The following TNIK variants were observed in gnomAD, a reference collection of about 807,000 sequenced individuals.
The protein encoded by TNIK is TRAF2 and NCK-interacting protein kinase.
A neutral mutation model predicts 191.3 loss-of-function variants in TNIK; 49 were observed. The ratio of observed to expected loss-of-function variants is 0.26; its 90% confidence interval spans 0.20 to 0.32. TNIK has a LOEUF of 0.32. TNIK is among the 10% of genes least tolerant of loss of function. TNIK has a pLI of 1.00. For missense variants in TNIK, 1,155 were observed against 1,702.3 expected (o/e 0.68, Z 5.66); for synonymous variants, 594 against 600.9 (o/e 0.99, Z 0.17).
intron 16 of TNIK, among the ~76,000 whole-genome samples, chr3:171,127,120 G>C (rs1382649291): frequency 6.6e-6 from 1 of 151,494 alleles, no homozygotes; most frequent in Non-Finnish European, 1.5e-5. Context: ...ATAAATCCTG[G>C]TTGGGGAAAA....
chr3:171,406,080 T>C (rs902690403), intron 1 of TNIK, among the ~76,000 whole-genome samples: 12 of 152,162 alleles, frequency 7.9e-5, no homozygotes, highest in Non-Finnish European at 1.5e-4. Context: ...TAGGTAAGCA[T>C]ATATGGATCT....
At chr3:171,126,333 G>A (rs961087201) in intron 16 of TNIK, among the ~76,000 whole-genome samples, 182 bp from the exon 17 acceptor site, 7 of 151,988 alleles carry the variant, frequency 4.6e-5, no homozygotes, top group African/African-American at 7.3e-5. Flanking sequence ...CCATTGGAAC[G>A]ATATGTAGGG....
At chr3:171,085,695 C>T (rs1453633108) in intron 24 of TNIK, among the ~76,000 whole-genome samples, 1 of 152,176 alleles carries the variant, frequency 6.6e-6, no homozygotes, top group East Asian at 1.9e-4. Context: ...GAGCTTTGAG[C>T]CCTTCTACTC....
intron 2 of TNIK, among the ~76,000 whole-genome samples, chr3:171,301,164 G>A (rs1032967425): frequency 6.6e-6 from 1 of 152,002 alleles, no homozygotes; most frequent in African/African-American, 2.4e-5. Context: ...AACATTATGT[G>A]ACTCCTGATG....
At chr3:171,362,738 T>A (rs1473167083) in intron 2 of TNIK, among the ~76,000 whole-genome samples, 1 of 152,134 alleles carries the variant, frequency 6.6e-6, no homozygotes, top group Non-Finnish European at 1.5e-5. Flanking sequence ...AAATCCAGGC[T>A]CACAGGGTAA....
intron 28 of TNIK, among the ~76,000 whole-genome samples, chr3:171,078,620 C>T (rs571632555): frequency 5.3e-5 from 8 of 152,074 alleles, no homozygotes; most frequent in South Asian, 4.2e-4. Flanking sequence ...TTTCTTCTAA[C>T]GTCCTTTCTT....
At chr3:171,240,037 G>A (rs1744759229) in intron 2 of TNIK, among the ~76,000 whole-genome samples, 1 of 152,164 alleles carries the variant, frequency 6.6e-6, no homozygotes, top group Admixed American at 6.5e-5. Flanking sequence ...TGACTAGTTA[G>A]TAAATGCATT....
intron 22 of TNIK, among the ~76,000 whole-genome samples, chr3:171,100,674 G>A (rs1723358669): frequency 6.7e-6 from 1 of 149,938 alleles, no homozygotes; most frequent in African/African-American, 2.5e-5. Flanking sequence ...GAAGCAACAG[G>A]GGATAAGGGT....
intron 7 of TNIK, among the ~76,000 whole-genome samples, chr3:171,179,692 C>A (rs775940815): frequency 6.6e-6 from 1 of 152,160 alleles, no homozygotes; most frequent in Non-Finnish European, 1.5e-5. Context: ...CCTCGTGATC[C>A]ACCTGCCTCA....
chr3:171,139,641 T>G lies in TNIK; in HGVS notation c.1333-85A>C, dbSNP rs1486985838. The G allele has an allele frequency of 2.2e-6, 3 of 1,336,906 alleles. No homozygotes were observed. In the South Asian group the frequency reaches 3.5e-5, roughly 16 times the overall value. The allele number at this position is 1,336,906 out of a possible 1,614,324, so 82.8% of individuals were successfully genotyped here. A position where few individuals can be genotyped will look rare whatever the true frequency, so the allele number is the denominator to read the frequency against. The stretch of plus-strand genomic sequence containing the variant: ...TAATTTCAAAGGCGACAAGAGCCGC[T>G]AAGTAAAGTGTAGAAGGAAGGAGGG... On this transcript the variant is annotated intron_variant, in intron 13 of 32. Coordinates refer to ENST00000436636, the MANE Select transcript of TNIK (RefSeq NM_015028.4).
At chr3:171,268,574 A>C (rs1402550734) in intron 2 of TNIK, among the ~76,000 whole-genome samples, 1 of 151,968 alleles carries the variant, frequency 6.6e-6, no homozygotes, top group African/African-American at 2.4e-5. Flanking sequence ...GCTTTAACTG[A>C]TGTCCAGCTC....
chr3:171,178,455 C>T (rs1736231882), intron 7 of TNIK, among the ~76,000 whole-genome samples: 1 of 152,150 alleles, frequency 6.6e-6, no homozygotes. Context: ...GGCCAGTATA[C>T]CTTTATATTA....
intron 7 of TNIK, 79 bp downstream of exon 7, chr3:171,188,623 A>ATATT (rs1237348591): frequency 1.3e-6 from 2 of 1,533,720 alleles, no homozygotes; most frequent in East Asian, 4.5e-5. Flanking sequence ...TAAATCATAA[A>ATATT]TATAAGGGCA....
intron 1 of TNIK, among the ~76,000 whole-genome samples, chr3:171,424,995 A>AC (rs1577889036): frequency 6.6e-6 from 1 of 150,868 alleles, no homozygotes. Flanking sequence ...AAAAAAAAAA[A>AC]CTGGGCACAT....
At position 171,060,164 on chromosome 3, in the gene TNIK, G is replaced by A. The variant is rs1373678208; in HGVS notation, c.*3717C>T. On this transcript the variant is annotated 3_prime_UTR_variant, in exon 33 of 33. Transcript: ENST00000436636. ...TTCCACGTTTCAAGAATACAGTGAC[G>A]GGAACTGGTACACATAGTAGTAGGG... Among the ~76,000 whole-genome samples the A allele has an allele frequency of 3.9e-5, 6 of 152,158 alleles. No homozygotes were observed. The highest frequency in any genetic ancestry group is 3.9e-4 in the East Asian group (2 of 5,194).
chr3:171,203,655 A>G (rs1021317537), intron 4 of TNIK, among the ~76,000 whole-genome samples: 1 of 152,250 alleles, frequency 6.6e-6, no homozygotes, highest in Admixed American at 6.5e-5. Flanking sequence ...TCATGGCAGC[A>G]TTTAGCCTCT....
chr3:171,192,185 T>C (rs1738144159), intron 5 of TNIK, among the ~76,000 whole-genome samples: 1 of 152,190 alleles, frequency 6.6e-6, no homozygotes, highest in African/African-American at 2.4e-5. Flanking sequence ...TCTTAAAAAA[T>C]TGCCTTTCTT....
At chr3:171,067,005 T>C (rs1425361900) in intron 30 of TNIK, among the ~76,000 whole-genome samples, 1 of 152,182 alleles carries the variant, frequency 6.6e-6, no homozygotes, top group Non-Finnish European at 1.5e-5. Context: ...CCTTTACATA[T>C]ATAATTTCTA....
intron 2 of TNIK, among the ~76,000 whole-genome samples, chr3:171,351,264 T>C (rs1288509141): frequency 1.1e-5 from 1 of 94,070 alleles, no homozygotes. Context: ...TATATATATA[T>C]GTATATATGT....
Sources: allele counts gnomAD v4.1 joint callset (sites outside exome capture counted in the v4.1 genomes callset), GRCh38; gene constraint gnomAD v4.1.1; transcripts MANE v1.5; gene names NCBI Gene and HGNC (gene_info 2026-07-23, HGNC 2026-07-21).